EXT1: variants seen among roughly 807,000 people sequenced by gnomAD.
EXT1 encodes the protein exostosin-1.
In EXT1, 20 loss-of-function variants were observed where a neutral mutation model predicts 82.5. The observed-to-expected ratio is 0.24, with a 90% CI of 0.17 to 0.35. The LOEUF (loss-of-function observed/expected upper bound fraction) is 0.35, where lower values mean the gene tolerates loss of function less well. Ranked by LOEUF, EXT1 falls within the 10% of genes least tolerant of loss-of-function variation. The probability of loss-of-function intolerance (pLI) is 1.00; values close to 1 mark genes in which losing one functional copy is unlikely to be tolerated. For synonymous variants in EXT1, 348 were observed against 350.8 expected, an observed-to-expected ratio of 0.99 and a Z score of 0.09; for missense variants, 757 against 936.5, an observed-to-expected ratio of 0.81 and a Z score of 2.50.
intron 1 of EXT1, among the ~76,000 whole-genome samples, chr8:118,085,325 G>A (rs1817396509): frequency 6.6e-6 from 1 of 152,124 alleles, no homozygotes; most frequent in Admixed American, 6.5e-5. Context: ...ACTATTGTGT[G>A]TTGCCATTTT....
chr8:118,054,956 G>A (rs559759906), intron 1 of EXT1, among the ~76,000 whole-genome samples: 2 of 149,612 alleles, frequency 1.3e-5, no homozygotes, highest in Non-Finnish European at 3.0e-5. Context: ...GTATGTATAT[G>A]TATATATATA....
chr8:118,002,328 T>C (rs916650678), intron 1 of EXT1, among the ~76,000 whole-genome samples: 1 of 137,262 alleles, frequency 7.3e-6, no homozygotes, highest in African/African-American at 2.8e-5. Context: ...TTGCAGTGAG[T>C]CGAGATAGCA....
At position 117,879,788 on chromosome 8, in the gene EXT1, T is replaced by C. The variant is rs536985434; in HGVS notation, c.963-42587A>G. Reference sequence around the variant, plus strand: ...ATAGTTCAGATCAGTCTCTGGTCACTCCTAAAAAGATGTGGTCCTAAAACA... The same window carrying C: ...ATAGTTCAGATCAGTCTCTGGTCACCCCTAAAAAGATGTGGTCCTAAAACA... On this transcript the variant is annotated intron_variant, in intron 1 of 10. Coordinates refer to ENST00000378204, the MANE Select transcript of EXT1 (RefSeq NM_000127.3). Among the ~76,000 whole-genome samples, 3 of 152,278 alleles carry C rather than the reference T, an allele frequency of 2.0e-5. No individual in the cohort carries two copies. In the East Asian group the frequency reaches 5.8e-4, roughly 29 times the overall value.
chr8:117,832,280 C>T (rs1302528128), intron 3 of EXT1, among the ~76,000 whole-genome samples: 1 of 152,138 alleles, frequency 6.6e-6, no homozygotes, highest in Admixed American at 6.5e-5. Flanking sequence ...AATCCCAGCA[C>T]TTTGGGAGGC....
At chr8:118,106,977 G>C (rs1395791643) in intron 1 of EXT1, among the ~76,000 whole-genome samples, 2 of 152,120 alleles carry the variant, frequency 1.3e-5, no homozygotes, top group Non-Finnish European at 2.9e-5. Context: ...TCTATTACAA[G>C]AGAAAAGTAT....
intron 1 of EXT1, among the ~76,000 whole-genome samples, chr8:118,046,843 T>C (rs1048972465): frequency 2.6e-5 from 4 of 152,098 alleles, no homozygotes; most frequent in Admixed American, 2.6e-4. Flanking sequence ...GTGCAGAAAA[T>C]CCATCAACAG....
intron 1 of EXT1, among the ~76,000 whole-genome samples, chr8:117,967,064 G>T (rs1814832311): frequency 6.6e-6 from 1 of 152,172 alleles, no homozygotes; most frequent in Non-Finnish European, 1.5e-5. Flanking sequence ...CACTTGTGTG[G>T]CAATGATAAT....
intron 1 of EXT1, among the ~76,000 whole-genome samples, chr8:118,029,404 C>G (rs1414987868): frequency 6.6e-6 from 1 of 152,164 alleles, no homozygotes; most frequent in Non-Finnish European, 1.5e-5. Flanking sequence ...GCCTGGGTGA[C>G]AGTGAGACCT....
chr8:118,032,720 G>A (rs1415587110), intron 1 of EXT1, among the ~76,000 whole-genome samples: 1 of 151,974 alleles, frequency 6.6e-6, no homozygotes, highest in Non-Finnish European at 1.5e-5. Context: ...ACGTTGGTCA[G>A]GCTGGTCTCG....
At chr8:117,918,805 C>T (rs1301885656) in intron 1 of EXT1, among the ~76,000 whole-genome samples, 2 of 152,126 alleles carry the variant, frequency 1.3e-5, no homozygotes, top group African/African-American at 4.8e-5. Flanking sequence ...CACTGGATCT[C>T]GAGGAACTAT....
chr8:118,003,560 T>C (rs1372557414), intron 1 of EXT1, among the ~76,000 whole-genome samples: 41 of 152,180 alleles, frequency 2.7e-4, no homozygotes. Context: ...GCCAACTAGA[T>C]GTATAGCAAG....
intron 1 of EXT1, among the ~76,000 whole-genome samples, chr8:118,019,725 A>C (rs765562465): frequency 2.0e-5 from 3 of 152,234 alleles, no homozygotes; most frequent in Admixed American, 2.0e-4. Context: ...CTATGTATTA[A>C]GTATTGTCAA....
chr8:118,022,627 C>T (rs1482702999), intron 1 of EXT1, among the ~76,000 whole-genome samples: 1 of 150,458 alleles, frequency 6.6e-6, no homozygotes, highest in African/African-American at 2.4e-5. Context: ...CATGAGCCAC[C>T]ACGCCTGGCC....
At position 118,111,384 on chromosome 8, in the gene EXT1, A is replaced by C; in HGVS notation, c.-338T>G. Reference sequence around the variant, plus strand: ...AAAGAAAGAGAGAGGGGAGAAAAAAAAAGCTCCCGATACCCAATCAATGGC... The same window carrying C: ...AAAGAAAGAGAGAGGGGAGAAAAAACAAGCTCCCGATACCCAATCAATGGC... On this transcript the variant is annotated 5_prime_UTR_variant, in exon 1 of 11. Transcript: ENST00000378204. 1 of 566,556 alleles carries C rather than the reference A, an allele frequency of 1.8e-6. No individual in the cohort carries two copies. Among genetic ancestry groups the C allele is most frequent in the Non-Finnish European group, 3.1e-6 (1 of 320,608 alleles). 35.1% of individuals were successfully genotyped at this position (566,556 alleles called of 1,614,324 possible). A position where few individuals can be genotyped will look rare whatever the true frequency, so the allele number is the denominator to read the frequency against.
chr8:117,848,943 T>A (rs956366982), intron 1 of EXT1, among the ~76,000 whole-genome samples: 7 of 152,232 alleles, frequency 4.6e-5, no homozygotes, highest in African/African-American at 1.7e-4. Context: ...ATAATAATCA[T>A]GCCCTACACC....
chr8:118,097,116 T>C (rs1817633385), intron 1 of EXT1, among the ~76,000 whole-genome samples: 1 of 152,108 alleles, frequency 6.6e-6, no homozygotes, highest in Non-Finnish European at 1.5e-5. Context: ...ACTCCTACTT[T>C]GCATCCAAAC....
chr8:118,068,741 C>T (rs1468067295), intron 1 of EXT1, among the ~76,000 whole-genome samples: 1 of 152,206 alleles, frequency 6.6e-6, no homozygotes, highest in African/African-American at 2.4e-5. Context: ...TCCAAGTACA[C>T]CTGCCTGATA....
intron 4 of EXT1, among the ~76,000 whole-genome samples, chr8:117,828,288 C>T (rs1010627111): frequency 1.3e-5 from 2 of 152,064 alleles, no homozygotes; most frequent in African/African-American, 4.8e-5. Flanking sequence ...TTAATAATAA[C>T]TCCTTTAATC....
chr8:117,957,442 G>T (rs1048274161), intron 1 of EXT1, among the ~76,000 whole-genome samples: 1 of 151,992 alleles, frequency 6.6e-6, no homozygotes, highest in East Asian at 1.9e-4. Context: ...CCTTCCCCCT[G>T]GCCTCTCGGC....
Sources: allele counts gnomAD v4.1 joint callset (sites outside exome capture counted in the v4.1 genomes callset), GRCh38; gene constraint gnomAD v4.1.1; transcripts MANE v1.5; gene names NCBI Gene and HGNC (gene_info 2026-07-23, HGNC 2026-07-21).